Variants in NLGN1 observed in about 807,000 individuals in gnomAD.
NLGN1 encodes the protein neuroligin 1.
In NLGN1, 12 loss-of-function variants were observed where a neutral mutation model predicts 65.5. The observed-to-expected ratio is 0.18, with a 90% CI of 0.12 to 0.30. The LOEUF (loss-of-function observed/expected upper bound fraction) is 0.30, where lower values mean the gene tolerates loss of function less well. Ranked by LOEUF, NLGN1 falls within the 10% of genes least tolerant of loss-of-function variation. The probability of loss-of-function intolerance (pLI) is 1.00; values close to 1 mark genes in which losing one functional copy is unlikely to be tolerated. For missense variants in NLGN1, 750 were observed against 1,007.1 expected (o/e 0.74, Z 3.46); for synonymous variants, 350 against 359.5 (o/e 0.97, Z 0.30).
intron 4 of NLGN1, among the ~76,000 whole-genome samples, chr3:173,935,345 A>C (rs1433288396): frequency 6.6e-6 from 1 of 152,038 alleles, no homozygotes; most frequent in Non-Finnish European, 1.5e-5. Context: ...AGTGAATGAA[A>C]GGTACAATTC....
chr3:173,898,841 AT>A, intron 4 of NLGN1, among the ~76,000 whole-genome samples: 1 of 152,282 alleles, frequency 6.6e-6, no homozygotes, highest in Middle Eastern at 3.4e-3. Context: ...ACTACATTGG[AT>A]TAAAGCTGTC....
chr3:174,219,409 C>T (rs1314682572), intron 4 of NLGN1, among the ~76,000 whole-genome samples: 7 of 152,024 alleles, frequency 4.6e-5, no homozygotes, highest in African/African-American at 2.4e-5. Flanking sequence ...GACAGTATTC[C>T]TCAAGACATG....
intron 3 of NLGN1, among the ~76,000 whole-genome samples, chr3:173,731,091 T>C (rs1772764602): frequency 6.6e-6 from 1 of 152,084 alleles, no homozygotes; most frequent in Non-Finnish European, 1.5e-5. Context: ...TCCGATATCA[T>C]TCACATAGAG....
chr3:173,400,094 A>G (rs1020347232), intron 1 of NLGN1, among the ~76,000 whole-genome samples: 8 of 152,242 alleles, frequency 5.3e-5, no homozygotes, highest in African/African-American at 1.9e-4. Flanking sequence ...GCAGCTGTGT[A>G]ACATATACCT....
At chr3:173,452,211 T>TG (rs1395519980) in intron 2 of NLGN1, among the ~76,000 whole-genome samples, 2 of 151,982 alleles carry the variant, frequency 1.3e-5, no homozygotes, top group Non-Finnish European at 2.9e-5. Context: ...CCTTTTTTTT[T>TG]TTGAGATGGA....
chr3:173,860,419 A>G (rs1333429602), intron 4 of NLGN1, among the ~76,000 whole-genome samples: 1 of 152,090 alleles, frequency 6.6e-6, no homozygotes, highest in Non-Finnish European at 1.5e-5. Flanking sequence ...TGTAGACTGT[A>G]GACTATCAAT....
intron 3 of NLGN1, among the ~76,000 whole-genome samples, chr3:173,802,250 A>G (rs914422918): frequency 2.6e-5 from 4 of 152,120 alleles, no homozygotes; most frequent in Non-Finnish European, 5.9e-5. Flanking sequence ...AATCTATTTT[A>G]TAGACATGTT....
At chr3:174,258,885 G>T (rs556192170) in intron 4 of NLGN1, among the ~76,000 whole-genome samples, 3 of 152,122 alleles carry the variant, frequency 2.0e-5, no homozygotes, top group Non-Finnish European at 4.4e-5. Flanking sequence ...AGGAGAGGGT[G>T]GAAGAGGGGA....
chr3:173,504,460 A>G (rs1320696724), intron 2 of NLGN1, among the ~76,000 whole-genome samples: 1 of 152,096 alleles, frequency 6.6e-6, no homozygotes. Context: ...GTAATTCAAA[A>G]TCTAACCTAA....
intron 2 of NLGN1, among the ~76,000 whole-genome samples, chr3:173,487,909 A>C (rs1465688714): frequency 1.3e-5 from 2 of 151,968 alleles, no homozygotes; most frequent in East Asian, 3.8e-4. Context: ...CTCTGAACTA[A>C]GTTTATTTAA....
At chr3:173,934,627 C>G (rs1278044727) in intron 4 of NLGN1, among the ~76,000 whole-genome samples, 10 of 151,920 alleles carry the variant, frequency 6.6e-5, no homozygotes, top group Admixed American at 6.6e-4. Context: ...TTATCTTCCC[C>G]TGATCTTTTA....
At chr3:174,272,692 T>TAGACAGAC (rs367911787) in intron 4 of NLGN1, among the ~76,000 whole-genome samples, 1 of 149,504 alleles carries the variant, frequency 6.7e-6, no homozygotes, top group African/African-American at 2.4e-5. Context: ...GATAGATAGA[T>TAGACAGAC]AGATAGATAG....
intron 3 of NLGN1, among the ~76,000 whole-genome samples, chr3:173,727,637 A>T (rs1009726104): frequency 2.0e-5 from 3 of 152,070 alleles, no homozygotes; most frequent in African/African-American, 7.2e-5. Context: ...CCCAACCCAC[A>T]CACCTTGCAA....
intron 3 of NLGN1, among the ~76,000 whole-genome samples, chr3:173,636,010 A>G (rs1406038703): frequency 2.0e-5 from 3 of 152,118 alleles, no homozygotes; most frequent in South Asian, 2.1e-4. Context: ...TGGCCTTGCT[A>G]TCGAGGGTGG....
intron 2 of NLGN1, among the ~76,000 whole-genome samples, chr3:173,537,436 C>T (rs1055253591): frequency 2.6e-5 from 4 of 151,680 alleles, no homozygotes; most frequent in African/African-American, 9.7e-5. Flanking sequence ...AAAGTCAGTA[C>T]ATCTTACGTT....
At chr3:173,822,879 T>TC in intron 4 of NLGN1, among the ~76,000 whole-genome samples, 1 of 152,206 alleles carries the variant, frequency 6.6e-6, no homozygotes, top group African/African-American at 2.4e-5. Flanking sequence ...TGCTATATTG[T>TC]CCCTTTTTTT....
rs1162927083 is a variant in NLGN1, at chr3:173,661,807, T to G, written c.493+56716T>G. Among the ~76,000 whole-genome samples the G allele has an allele frequency of 2.0e-5, 3 of 151,996 alleles. No homozygotes were observed. The East Asian group carries it at 5.8e-4, about 29-fold the overall frequency. ...GTCGTTAGAATACCATTTCATTGAT[T>G]AAAAGATAAGTTTACCCATATCGTT... On this transcript the variant is annotated intron_variant, in intron 3 of 6. Coordinates refer to ENST00000457714, the Ensembl canonical transcript of NLGN1.
At chr3:173,885,742 AAC>A (rs1734218955) in intron 4 of NLGN1, among the ~76,000 whole-genome samples, 6 of 152,118 alleles carry the variant, frequency 3.9e-5, no homozygotes, top group Admixed American at 6.6e-5. Flanking sequence ...AAGCAGAGAA[AAC>A]ACAAAGAAGA....
intron 4 of NLGN1, among the ~76,000 whole-genome samples, chr3:173,978,580 A>C (rs1382396310): frequency 6.6e-6 from 1 of 152,052 alleles, no homozygotes; most frequent in Non-Finnish European, 1.5e-5. Context: ...TAGTCAATTA[A>C]TAAGGACCAA....
Sources: gnomAD v4.1 joint callset for allele counts (sites outside exome capture counted in the v4.1 genomes callset) on GRCh38, gnomAD v4.1.1 for gene constraint, MANE v1.5 for transcripts, NCBI Gene and HGNC (gene_info 2026-07-23, HGNC 2026-07-21) for gene names.